SRPK2: variants seen among roughly 807,000 people sequenced by gnomAD.
The protein encoded by SRPK2 is SRSF protein kinase 2.
Under a neutral mutation model 90.8 loss-of-function variants are expected in SRPK2, and 21 were observed. That is an observed-to-expected ratio of 0.23 (90% CI 0.16 to 0.33). The LOEUF (loss-of-function observed/expected upper bound fraction) is 0.33. SRPK2 is among the 10% of genes least tolerant of loss of function. The pLI is 1.00. For missense variants in SRPK2, 620 were observed against 869.0 expected (o/e 0.71, Z 3.60); for synonymous variants, 288 against 311.1 (o/e 0.93, Z 0.78).
chr7:105,144,472 T>G (rs1804260126), intron 9 of SRPK2, among the ~76,000 whole-genome samples: 1 of 151,928 alleles, frequency 6.6e-6, no homozygotes, highest in African/African-American at 2.4e-5. Flanking sequence ...AATTCCTGAC[T>G]TCAAGTGATC....
At chr7:105,254,650 G>A (rs78549468) in intron 2 of SRPK2, among the ~76,000 whole-genome samples, 2,588 of 151,652 alleles carry the variant, frequency 0.017, 39 homozygotes, top group East Asian at 0.055. Context: ...TGTTATCGTT[G>A]AAGTACATCT....
intron 2 of SRPK2, among the ~76,000 whole-genome samples, chr7:105,366,873 T>C (rs556235450): frequency 5.3e-5 from 8 of 152,324 alleles, no homozygotes; most frequent in African/African-American, 1.9e-4. Context: ...AAACATAGAA[T>C]GCACTCATTC....
chr7:105,146,790 A>G, intron 7 of SRPK2, 132 bp from the exon 8 acceptor site: 4 of 961,494 alleles, frequency 4.2e-6, no homozygotes, highest in Non-Finnish European at 3.1e-6. Flanking sequence ...TTTAGTAAAA[A>G]TCTCCCTCCC....
At chr7:105,190,586 T>G (rs1794156210) in intron 3 of SRPK2, among the ~76,000 whole-genome samples, 2 of 152,230 alleles carry the variant, frequency 1.3e-5, no homozygotes, top group Admixed American at 1.3e-4. Flanking sequence ...GTCCACCAAC[T>G]GCCTTCCCTT....
chr7:105,155,976 A>G (rs527706884), intron 7 of SRPK2, among the ~76,000 whole-genome samples: 33 of 152,250 alleles, frequency 2.2e-4, no homozygotes, highest in Non-Finnish European at 3.5e-4. Flanking sequence ...TTCATAAAAA[A>G]CGTAAGCTGG....
rs1822402246 is a variant in SRPK2 at position 105,399,124 on chromosome 7, T to C, written n.153+32A>G. 3 of 152,218 alleles carry C rather than the reference T, an allele frequency of 2.0e-5. No individual in the cohort carries two copies. The South Asian group carries it at 6.2e-4, about 31-fold the overall frequency. The allele number at this position is 152,218 out of a possible 1,614,324, so 9.4% of individuals were successfully genotyped here. ...TATAACAAATTTCTCCCAAATTTAG[T>C]AGCTTAAAAAAATAAACATTTCATA... On this transcript the variant is annotated intron_variant and non_coding_transcript_variant, in intron 1 of 3. Transcript: ENST00000462282.
chr7:105,340,180 T>C (rs1269718857), intron 2 of SRPK2, among the ~76,000 whole-genome samples: 2 of 152,084 alleles, frequency 1.3e-5, no homozygotes, highest in African/African-American at 4.8e-5. Flanking sequence ...TATTAATCTC[T>C]AACCTTTAAG....
intron 2 of SRPK2, among the ~76,000 whole-genome samples, chr7:105,267,462 T>C (rs1485245115): frequency 6.6e-6 from 1 of 152,126 alleles, no homozygotes; most frequent in Non-Finnish European, 1.5e-5. Context: ...GGCAGAATAT[T>C]CACAAGGCTG....
intron 1 of SRPK2, among the ~76,000 whole-genome samples, chr7:105,398,791 T>C (rs1822396230): frequency 6.6e-6 from 1 of 152,232 alleles, no homozygotes; most frequent in Non-Finnish European, 1.5e-5. Flanking sequence ...AGAGCCAGAC[T>C]GCCAGAGTTC....
rs767913304 is a variant in SRPK2 at position 105,385,171 on chromosome 7, A to ATTTTT, written c.71+3472_71+3476dup. On this transcript the variant is annotated intron_variant, in intron 2 of 15. Coordinates refer to ENST00000393651, the MANE Select transcript of SRPK2 (RefSeq NM_182692.3). ...ACAGGCGTGAGCCACCGCGCCCGGC[A>ATTTTT]TTTTTTTTTTTTTTTTTTTTTTTTT... Among the ~76,000 whole-genome samples, 126 of 49,682 alleles carry ATTTTT rather than the reference A, an allele frequency of 2.5e-3. 20 individuals are homozygous for ATTTTT. The highest frequency in any genetic ancestry group is 0.012 in the African/African-American group (118 of 10,242). 32.6% of individuals were successfully genotyped at this position (49,682 alleles called of 152,430 possible). A position where few individuals can be genotyped will look rare whatever the true frequency, so the allele number is the denominator to read the frequency against.
chr7:105,253,348 C>G (rs1203129944), intron 2 of SRPK2, among the ~76,000 whole-genome samples: 2 of 152,178 alleles, frequency 1.3e-5, no homozygotes, highest in Non-Finnish European at 2.9e-5. Context: ...TTTCTTTAGA[C>G]TTTCTTTAAA....
At chr7:105,159,731 C>G (rs1344361628) in intron 7 of SRPK2, among the ~76,000 whole-genome samples, 2 of 152,148 alleles carry the variant, frequency 1.3e-5, no homozygotes, top group Admixed American at 1.3e-4. Flanking sequence ...AAGCCTGACC[C>G]TAGCTGAGGG....
chr7:105,204,129 T>A (rs1056922258), intron 2 of SRPK2, among the ~76,000 whole-genome samples: 1 of 152,230 alleles, frequency 6.6e-6, no homozygotes, highest in East Asian at 1.9e-4. Flanking sequence ...GCGTATTCCA[T>A]GGTATATAGC....
At chr7:105,330,413 T>C (rs1019276786) in intron 2 of SRPK2, among the ~76,000 whole-genome samples, 2 of 152,092 alleles carry the variant, frequency 1.3e-5, no homozygotes, top group East Asian at 3.9e-4. Flanking sequence ...AACATAAGAA[T>C]TGACTCCTGT....
At chr7:105,205,598 A>C (rs1296194201) in intron 2 of SRPK2, among the ~76,000 whole-genome samples, 2 of 150,084 alleles carry the variant, frequency 1.3e-5, no homozygotes, top group Non-Finnish European at 3.0e-5. Context: ...CAAAACTTCC[A>C]ACAGGCCTTA....
chr7:105,125,711 A>G (rs186709421), intron 15 of SRPK2: 28 of 636,474 alleles, frequency 4.4e-5, no homozygotes, highest in African/African-American at 4.2e-4. Context: ...CCACTGCCCA[A>G]TCACGAATGC....
chr7:105,298,984 C>T (rs1426922345), intron 2 of SRPK2, among the ~76,000 whole-genome samples: 1 of 152,220 alleles, frequency 6.6e-6, no homozygotes, highest in Admixed American at 6.5e-5. Context: ...CATGAATGCC[C>T]TCTACGTTCC....
chr7:105,320,275 T>A (rs1161506578), intron 2 of SRPK2, among the ~76,000 whole-genome samples: 5 of 152,220 alleles, frequency 3.3e-5, no homozygotes, highest in Non-Finnish European at 4.4e-5. Context: ...AGATTCATAT[T>A]TTGCTCAGCA....
chr7:105,116,403 A>ATTTTTAAGTGT lies in SRPK2; in HGVS notation c.*1434_*1435insACACTTAAAAA, dbSNP rs1799630186. On this transcript the variant is annotated 3_prime_UTR_variant, in exon 16 of 16. Transcript: ENST00000393651. ...GAAAAAAAAAAACCAAAACACTTTA[A>ATTTTTAAGTGT]TTTTTAAGACAACTGCAAGCACCTC... 3.3e-5 allele frequency: 5 copies of ATTTTTAAGTGT among 152,568 alleles called. No individual in the cohort carries two copies. The highest frequency in any genetic ancestry group is 2.6e-4 in the Admixed American group (4 of 15,272). 9.5% of individuals were successfully genotyped at this position (152,568 alleles called of 1,614,324 possible).
Sources: allele counts gnomAD v4.1 joint callset (sites outside exome capture counted in the v4.1 genomes callset), GRCh38; gene constraint gnomAD v4.1.1; transcripts MANE v1.5; gene names NCBI Gene and HGNC (gene_info 2026-07-23, HGNC 2026-07-21).